TRMU: variants seen among roughly 807,000 people sequenced by gnomAD.
TRMU encodes the protein mitochondrial tRNA-specific 2-thiouridylase 1.
TRMU carries 49 observed loss-of-function variants against 46.9 expected under a neutral mutation model. The observed-to-expected ratio is 1.05, with a 90% CI of 0.83 to 1.33. TRMU has a LOEUF of 1.33. Among genes scored for constraint, TRMU ranks in the 40% most tolerant of loss-of-function variants. The probability of loss-of-function intolerance (pLI) is 0.00; values close to 1 mark genes in which losing one functional copy is unlikely to be tolerated. For missense variants in TRMU, 572 were observed against 532.4 expected (o/e 1.07, Z -0.73); for synonymous variants, 241 against 200.9 (o/e 1.20, Z -1.69).
intron 8 of TRMU, chr22:46,354,316 C>T (rs897543034): frequency 9.4e-6 from 2 of 211,820 alleles, no homozygotes; most frequent in Non-Finnish European, 1.9e-5. Flanking sequence ...GTGACCCTGG[C>T]CTCAAAGCAG....
rs1344086996 is a variant in TRMU, at chr22:46,348,418, A to G, written c.479-1873A>G. Among the ~76,000 whole-genome samples, 3 of 152,128 alleles carry G rather than the reference A, an allele frequency of 2.0e-5. No homozygotes were observed. Among genetic ancestry groups the G allele is most frequent in the African/African-American group, 7.2e-5 (3 of 41,408 alleles). ...GTTTTGTAGGCACACTAAGGTTTCC[A>G]TTTCATTCTTCTTCAGTTGCCCTGG... On this transcript the variant is annotated intron_variant, in intron 4 of 10. Coordinates refer to ENST00000645190, the MANE Select transcript of TRMU (RefSeq NM_018006.5). This position sits in a 1 kb window ranked among gnomAD's most constrained non-coding sequence, Gnocchi z 4.8.
chr22:46,352,487 G>A (rs1601978803), intron 7 of TRMU, 157 bp downstream of exon 7: 1 of 789,244 alleles, frequency 1.3e-6, no homozygotes, highest in Non-Finnish European at 2.1e-6. Context: ...GGCCTAGGGT[G>A]GAACAGTTGC....
chr22:46,356,677 CCT>C (rs2078619533), intron 10 of TRMU, 163 bp from the exon 11 acceptor site: 2 of 820,224 alleles, frequency 2.4e-6, no homozygotes, highest in South Asian at 3.3e-5. Flanking sequence ...CCAGGCCTCT[CCT>C]CTCCTGTTCA....
At chr22:46,355,701 A>C in intron 9 of TRMU, 113 bp downstream of exon 9, 4 of 1,534,450 alleles carry the variant, frequency 2.6e-6, no homozygotes, top group Non-Finnish European at 3.6e-6. Context: ...TGTGGAGATC[A>C]TTTGGAGATT....
intron 9 of TRMU, 185 bp downstream of exon 9, chr22:46,355,773 G>T (rs190594439): frequency 8.3e-5 from 95 of 1,147,814 alleles, no homozygotes; most frequent in Middle Eastern, 5.2e-4. Flanking sequence ...GGGGGTGCTG[G>T]GAGCAGATGC....
chr22:46,338,020 C>T lies in TRMU; in HGVS notation c.248+76C>T. ...GCAGTGGAAGGATCCGGTAACCAGCCAGACCGACGCCTGTGCTGCAGCCCA... is the reference window on the plus strand; with the variant it reads ...GCAGTGGAAGGATCCGGTAACCAGCTAGACCGACGCCTGTGCTGCAGCCCA... On this transcript the variant is annotated intron_variant, in intron 2 of 10. Coordinates refer to ENST00000645190, the MANE Select transcript of TRMU (RefSeq NM_018006.5). The surrounding 1 kb of genome is among the most constrained non-coding windows in gnomAD (Gnocchi z 4.5). 3 of 1,592,294 alleles carry T rather than the reference C, an allele frequency of 1.9e-6. No homozygotes were observed. Among genetic ancestry groups the T allele is most frequent in the Non-Finnish European group, 2.6e-6 (3 of 1,161,780 alleles).
intron 1 of TRMU, among the ~76,000 whole-genome samples, chr22:46,337,526 T>A (rs1437287343): frequency 6.6e-6 from 1 of 152,204 alleles, no homozygotes; most frequent in East Asian, 1.9e-4. Context: ...GATCCCCTCC[T>A]GCTAGGTATT....
Position 46,336,080 on chromosome 22 carries a change from C to G in TRMU, c.82+234C>G, listed in dbSNP as rs527945490. The G allele has an allele frequency of 1.5e-6, 2 of 1,376,348 alleles. No individual in the cohort carries two copies. Among genetic ancestry groups the G allele is most frequent in the East Asian group, 5.9e-5 (2 of 33,848 alleles). 85.3% of individuals were successfully genotyped at this position (1,376,348 alleles called of 1,614,324 possible). ...ACTACCTGGGAGCAGTTCCGCGCCC[C>G]TCTCCACCCACGCGCGCCCACCCAC... is the stretch of plus-strand genomic sequence containing the variant. On this transcript the variant is annotated intron_variant, in intron 1 of 10. Coordinates refer to ENST00000645190, the MANE Select transcript of TRMU (RefSeq NM_018006.5). The surrounding 1 kb of genome is among the most constrained non-coding windows in gnomAD (Gnocchi z 4.1).
chr22:46,344,260 G>T (rs1342042075), intron 3 of TRMU, among the ~76,000 whole-genome samples: 1 of 152,186 alleles, frequency 6.6e-6, no homozygotes, highest in Non-Finnish European at 1.5e-5. Context: ...GATGTCTTTT[G>T]TCAGAGCCAG....
In TRMU at chr22:46,343,250, C is replaced by A. The variant is rs771559425; in HGVS notation, c.249-12C>A. 1.9e-5 allele frequency: 29 copies of A among 1,519,130 alleles called. No individual in the cohort carries two copies. Among genetic ancestry groups the A allele is most frequent in the African/African-American group, 2.8e-5 (2 of 71,000 alleles). 94.1% of individuals were successfully genotyped at this position (1,519,130 alleles called of 1,614,324 possible). ...TCACACTTGGAACTGAAGTCATTTT[C>A]TTTTATTCTAGTGACTTTTTGAATG... is the stretch of plus-strand genomic sequence containing the variant. On this transcript the variant is annotated splice_polypyrimidine_tract_variant and intron_variant, in intron 2 of 10. Transcript: ENST00000645190.
At position 46,339,396 on chromosome 22, in the gene TRMU, C is replaced by T. The variant is rs1601939431; in HGVS notation, c.248+1452C>T. On this transcript the variant is annotated intron_variant, in intron 2 of 10. Transcript: ENST00000645190. The surrounding 1 kb of genome is among the most constrained non-coding windows in gnomAD (Gnocchi z 4.8). ...GACTCCTGACCTCAGAAGATCCACT[C>T]GTCTCAGCCTCCCAAAGTGCTGGGA... 6.6e-6 allele frequency among the ~76,000 whole-genome samples: 1 copy of T among 152,302 alleles called. No homozygotes were observed. The highest frequency in any genetic ancestry group is 2.1e-4 in the South Asian group (1 of 4,826).
chr22:46,345,816 A>G lies in TRMU; in HGVS notation c.356-606A>G, dbSNP rs2078241007. On this transcript the variant is annotated intron_variant, in intron 3 of 10. Coordinates refer to ENST00000645190, the MANE Select transcript of TRMU (RefSeq NM_018006.5). ...AGCATCTTGCTCTGTTGCCCAGACT[A>G]GAGTGCTGTGGTGCAGTCTTGGCTT... Among the ~76,000 whole-genome samples the G allele has an allele frequency of 4.0e-5, 6 of 149,126 alleles. No individual in the cohort carries two copies. The South Asian group carries it at 8.4e-4, about 21-fold the overall frequency.
chr22:46,349,995 T>C lies in TRMU; in HGVS notation c.479-296T>C, dbSNP rs928682986. ...TATTTTAGGTGTTTTTTTTTTTTTT[T>C]CTTATCACTTGAGAACATTTTTTCA... is the stretch of plus-strand genomic sequence containing the variant. On this transcript the variant is annotated intron_variant, in intron 4 of 10. Transcript: ENST00000645190. This position sits in a 1 kb window ranked among gnomAD's most constrained non-coding sequence, Gnocchi z 4.6. Among the ~76,000 whole-genome samples, 44 of 150,916 alleles carry C rather than the reference T, an allele frequency of 2.9e-4. No individual in the cohort carries two copies. Among genetic ancestry groups the C allele is most frequent in the Non-Finnish European group, 5.9e-4 (40 of 67,988 alleles).
intron 9 of TRMU, 148 bp from the exon 10 acceptor site, chr22:46,355,842 C>G: frequency 1.9e-6 from 2 of 1,049,784 alleles, no homozygotes; most frequent in South Asian, 2.7e-5. Context: ...CAGTGTCCTG[C>G]TGCGTCCAGG....
intron 7 of TRMU, 110 bp from the exon 8 acceptor site, chr22:46,353,657 A>ATGAG (rs1569084604): frequency 1.0e-6 from 1 of 974,212 alleles, no homozygotes; most frequent in East Asian, 2.5e-5. Flanking sequence ...GAGTTACACC[A>ATGAG]TTGCTGGGCC....
In TRMU at chr22:46,336,225, G is replaced by T; in HGVS notation, c.82+379G>T. 9.9e-7 allele frequency: 1 copy of T among 1,007,688 alleles called. No homozygotes were observed. The highest frequency in any genetic ancestry group is 7.9e-5 in the East Asian group (1 of 12,668). The allele number at this position is 1,007,688 out of a possible 1,614,324, so 62.4% of individuals were successfully genotyped here. A position where few individuals can be genotyped will look rare whatever the true frequency, so the allele number is the denominator to read the frequency against. Reference sequence around the variant, plus strand: ...TGAGGGGAGCTGGGATCGCCGGGCCGGGGGCCTGACCTCTGCACACGCTGT... The same window carrying T: ...TGAGGGGAGCTGGGATCGCCGGGCCTGGGGCCTGACCTCTGCACACGCTGT... On this transcript the variant is annotated intron_variant, in intron 1 of 10. Coordinates refer to ENST00000645190, the MANE Select transcript of TRMU (RefSeq NM_018006.5). The surrounding 1 kb of genome is among the most constrained non-coding windows in gnomAD (Gnocchi z 4.1).
rs982833188 is a variant in TRMU at position 46,339,926 on chromosome 22, T to C, written c.248+1982T>C. ...TGCATTAAAAACTTCTGCAGTTTTCTCGGGGACATAAGAAAAAAAAAAGAG... is the reference window on the plus strand; with the variant it reads ...TGCATTAAAAACTTCTGCAGTTTTCCCGGGGACATAAGAAAAAAAAAAGAG... On this transcript the variant is annotated intron_variant, in intron 2 of 10. Transcript: ENST00000645190. This position sits in a 1 kb window ranked among gnomAD's most constrained non-coding sequence, Gnocchi z 4.8. Among the ~76,000 whole-genome samples, 1 of 150,266 alleles carries C rather than the reference T, an allele frequency of 6.7e-6. No homozygotes were observed. The highest frequency in any genetic ancestry group is 6.6e-5 in the Admixed American group (1 of 15,244).
intron 3 of TRMU, among the ~76,000 whole-genome samples, chr22:46,343,977 A>G (rs992290699): frequency 3.9e-5 from 6 of 152,370 alleles, no homozygotes; most frequent in African/African-American, 9.6e-5. Context: ...AGCTGAGTTG[A>G]TGATAATGAT....
intron 8 of TRMU, 40 bp downstream of exon 8, chr22:46,353,907 C>T: frequency 2.5e-6 from 4 of 1,595,450 alleles, no homozygotes; most frequent in Non-Finnish European, 3.4e-6. Flanking sequence ...GGGGCTGGTT[C>T]TGGCAGGGCC....
Sources: allele counts gnomAD v4.1 joint callset (sites outside exome capture counted in the v4.1 genomes callset), GRCh38; gene constraint gnomAD v4.1.1; non-coding constraint Gnocchi (gnomAD v3.1); transcripts MANE v1.5; gene names NCBI Gene and HGNC (gene_info 2026-07-23, HGNC 2026-07-21).